Variants in ITGAE observed in about 807,000 individuals in gnomAD.
ITGAE encodes integrin subunit alpha E.
ITGAE carries 99 observed loss-of-function variants against 136.5 expected under a neutral mutation model. The ratio of observed to expected loss-of-function variants is 0.73; its 90% CI spans 0.62 to 0.86. The LOEUF (loss-of-function observed/expected upper bound fraction) is 0.86. ITGAE is among the 40% of genes least tolerant of loss of function. The probability of loss-of-function intolerance (pLI) is 0.00; values close to 1 mark genes in which losing one functional copy is unlikely to be tolerated. For missense variants in ITGAE, 1,447 were observed against 1,515.3 expected (o/e 0.95, Z 0.75); for synonymous variants, 613 against 591.8 (o/e 1.04, Z -0.52).
In ITGAE at chr17:3,723,983, T is replaced by C. The variant is rs370861008; in HGVS notation, c.3085-239A>G. On this transcript the variant is annotated intron_variant, in intron 26 of 30. Transcript: ENST00000263087. ...CTGGGAGCCGGCTTTTCCGCACATA[T>C]GGGGCTGCGGACGGCAGGAGACAGC... is the stretch of plus-strand genomic sequence containing the variant. The C allele has an allele frequency of 7.5e-6, 12 of 1,592,332 alleles. No individual in the cohort carries two copies. In the African/African-American group the frequency reaches 1.5e-4, roughly 20 times the overall value.
At chr17:3,731,901 C>T (rs4790537) in intron 22 of ITGAE, among the ~76,000 whole-genome samples, 92,795 of 151,096 alleles carry the variant, frequency 0.61, 29,656 homozygotes, top group Admixed American at 0.73. Context: ...GGTGAAACCC[C>T]ATCTCTACCA....
chr17:3,733,878 G>A (rs191941535), intron 21 of ITGAE, among the ~76,000 whole-genome samples: 10 of 152,336 alleles, frequency 6.6e-5, no homozygotes, highest in Admixed American at 6.5e-4. Flanking sequence ...AGGCCAGCCT[G>A]TGAATCAGAC....
chr17:3,797,968 G>A (rs575372041), intron 1 of ITGAE, among the ~76,000 whole-genome samples: 1 of 152,222 alleles, frequency 6.6e-6, no homozygotes, highest in African/African-American at 2.4e-5. Flanking sequence ...GGAACTCCAA[G>A]CTCCCCCAGG....
rs1047585418 is a variant in ITGAE, at chr17:3,757,205, C to T, written c.1021-71G>A. 35 of 1,543,534 alleles carry T rather than the reference C, an allele frequency of 2.3e-5. No homozygotes were observed. The African/African-American group carries it at 4.4e-4, about 19-fold the overall frequency. On this transcript the variant is annotated intron_variant, in intron 9 of 30. Coordinates refer to ENST00000263087, the MANE Select transcript of ITGAE (RefSeq NM_002208.5). Reference sequence around the variant, plus strand: ...CCAGGCCCAGGGAGAGAGCTGAGCCCCTCCATCTGGCCTCTGGGGCCCTCC... The same window carrying T: ...CCAGGCCCAGGGAGAGAGCTGAGCCTCTCCATCTGGCCTCTGGGGCCCTCC...
At chr17:3,795,161 C>T (rs906046911) in intron 1 of ITGAE, among the ~76,000 whole-genome samples, 2 of 152,114 alleles carry the variant, frequency 1.3e-5, no homozygotes, top group African/African-American at 2.4e-5. Context: ...CTGACCAAAC[C>T]CTGAGCCCCC....
Position 3,755,205 on chromosome 17 carries a change from G to GA in ITGAE, c.1295dup (p.Tyr433LeufsTer59). On this transcript the variant is annotated frameshift_variant, in exon 12 of 31. Transcript: ENST00000263087. LOFTEE classifies it high-confidence loss of function. ...GGCCCCGGCGGCTGCGTGTGTCGTA[G>GA]AGCAACGCCCCTCCGGACCAGTCAA... 6.4e-7 allele frequency: 1 copy of GA among 1,568,066 alleles called. No homozygotes were observed. Among genetic ancestry groups the GA allele is most frequent in the Non-Finnish European group, 8.6e-7 (1 of 1,160,610 alleles).
intron 26 of ITGAE, chr17:3,725,781 C>T (rs143259437): frequency 2.9e-5 from 46 of 1,601,774 alleles, no homozygotes; most frequent in Non-Finnish European, 3.3e-5. Context: ...AGAGCAAATG[C>T]GAACCAAGTT....
intron 22 of ITGAE, 95 bp downstream of exon 22, chr17:3,732,273 G>T: frequency 3.1e-6 from 3 of 957,924 alleles, no homozygotes; most frequent in Non-Finnish European, 5.1e-6. Flanking sequence ...CAAGCGAAGC[G>T]CAAAGCTGGA....
chr17:3,774,311 G>A (rs780494990), intron 2 of ITGAE, among the ~76,000 whole-genome samples: 28 of 152,102 alleles, frequency 1.8e-4, no homozygotes, highest in Non-Finnish European at 3.2e-4. Context: ...GGCTGGGCCC[G>A]CTCAGTGGGA....
Position 3,745,877 on chromosome 17 carries a change from G to C in ITGAE, c.2206C>G (p.Gln736Glu). 1.9e-6 allele frequency: 3 copies of C among 1,613,994 alleles called. No individual in the cohort carries two copies. The highest frequency in any genetic ancestry group is 2.5e-6 in the Non-Finnish European group (3 of 1,180,012). ...NFTLDVDVGK[Q>E]RRRLQCSDVR... ...TCTGAACACTGCAGCCGTCTCCTCT[G>C]CTTCCCCACATCCACATCCAGCGTG... Residue 736 changes from glutamine to glutamate, a missense_variant, in exon 18 of 31, where the codon CAG becomes GAG. Transcript: ENST00000263087.
chr17:3,728,270 C>T (rs1243648144), intron 24 of ITGAE, 102 bp from the exon 25 acceptor site: 6 of 897,584 alleles, frequency 6.7e-6, no homozygotes, highest in Non-Finnish European at 1.1e-5. Context: ...GTGGAACAAT[C>T]ATGGCTCAGT....
rs763646832 is a variant in ITGAE at position 3,777,595 on chromosome 17, C to A, written c.100G>T (p.Ala34Ser). 1 of 1,613,814 alleles carries A rather than the reference C, an allele frequency of 6.2e-7. No homozygotes were observed. Among genetic ancestry groups the A allele is most frequent in the South Asian group, 1.1e-5 (1 of 91,056 alleles). ...AGAAGGGAGCTGAGCACGAAAGGGGCACCTCCCTTGGGCGTGAGCCAGGGC... is the reference window on the plus strand; with the variant it reads ...AGAAGGGAGCTGAGCACGAAAGGGGAACCTCCCTTGGGCGTGAGCCAGGGC... ...ARPWLTPKGG[A>S]PFVLSSLLHQ... Residue 34 changes from alanine (A) to serine (S), a missense_variant, in exon 2 of 31, where the codon GCC becomes TCC. Physicochemically the swap from Ala to Ser is moderately conservative, Grantham distance 99 (BLOSUM62 1). Around this residue, in one of 3 missense-constraint regions of ITGAE, gnomAD observed 106 missense variants for 87.8 expected, o/e 1.21. Transcript: ENST00000263087.
intron 22 of ITGAE, 42 bp from the exon 23 acceptor site, chr17:3,731,225 G>T: frequency 6.7e-7 from 1 of 1,493,700 alleles, no homozygotes; most frequent in Non-Finnish European, 9.3e-7. Context: ...TTCTCTCTAT[G>T]CCACTCACAA....
intron 1 of ITGAE, among the ~76,000 whole-genome samples, chr17:3,780,579 T>C (rs1018516478): frequency 1.3e-5 from 2 of 152,178 alleles, no homozygotes; most frequent in African/African-American, 4.8e-5. Context: ...ATTACAGGCG[T>C]GAGCCACTGC....
intron 26 of ITGAE, 115 bp from the exon 27 acceptor site, chr17:3,723,859 C>G (rs1056898102): frequency 6.6e-7 from 1 of 1,519,884 alleles, no homozygotes; most frequent in African/African-American, 1.4e-5. Flanking sequence ...AGCTAGGACC[C>G]CGCGGCAGGC....
In ITGAE at chr17:3,723,936, A is replaced by T. The variant is rs756698026; in HGVS notation, c.3085-192T>A. On this transcript the variant is annotated intron_variant, in intron 26 of 30. Coordinates refer to ENST00000263087, the MANE Select transcript of ITGAE (RefSeq NM_002208.5). ...TTGAACCTCTTGGCGGGTGCCGGCC[A>T]TGGCGGCTTCGCTCCCGGGACCTGG... The T allele has an allele frequency of 3.9e-6, 6 of 1,549,710 alleles. No individual in the cohort carries two copies. The East Asian group carries it at 6.9e-5, about 18-fold the overall frequency.
At chr17:3,754,042 GGA>G (rs1179786648) in intron 12 of ITGAE, 117 bp from the exon 13 acceptor site, 15 of 1,139,248 alleles carry the variant, frequency 1.3e-5, no homozygotes, top group Non-Finnish European at 1.9e-5. Flanking sequence ...GGGCAAAATA[GGA>G]GAGACTGTCT....
intron 3 of ITGAE, among the ~76,000 whole-genome samples, chr17:3,763,090 A>C (rs2052214069): frequency 6.6e-6 from 1 of 152,122 alleles, no homozygotes; most frequent in Admixed American, 6.6e-5. Context: ...ATGGGGTTTC[A>C]TCATATTGGC....
chr17:3,728,281 G>A (rs1045270673), intron 24 of ITGAE, 113 bp from the exon 25 acceptor site: 1 of 816,766 alleles, frequency 1.2e-6, no homozygotes, highest in Non-Finnish European at 2.1e-6. Context: ...ATGGCTCAGT[G>A]TAGCCTCAAC....
Sources: allele counts gnomAD v4.1 joint callset (sites outside exome capture counted in the v4.1 genomes callset), GRCh38; gene constraint gnomAD v4.1.1; regional missense constraint gnomAD v4.1.1; transcripts MANE v1.5; gene names NCBI Gene and HGNC (gene_info 2026-07-23, HGNC 2026-07-21).